Variants in EFL1 observed in about 807,000 individuals in gnomAD.
EFL1 encodes the protein elongation factor like GTPase 1, also known as elongation factor-like GTPase 1.
Under a neutral mutation model 126.7 loss-of-function variants are expected in EFL1, and 76 were observed. The observed-to-expected ratio is 0.60, with a 90% CI of 0.50 to 0.73. EFL1 has a LOEUF of 0.73. Ranked by LOEUF, EFL1 falls within the 30% of genes least tolerant of loss-of-function variation. The pLI is 0.00. For synonymous variants in EFL1, 410 were observed against 448.4 expected (o/e 0.91, Z 1.08); for missense variants, 1,128 against 1,343.2 (o/e 0.84, Z 2.50).
intron 4 of EFL1, among the ~76,000 whole-genome samples, chr15:82,251,756 G>A (rs62013460): frequency 2.0e-5 from 3 of 152,182 alleles, no homozygotes; most frequent in Admixed American, 6.5e-5. Flanking sequence ...TGGTGGCAGT[G>A]TCAAAGATAT....
intron 12 of EFL1, among the ~76,000 whole-genome samples, chr15:82,224,471 C>A (rs772044622): frequency 1.2e-4 from 19 of 152,196 alleles, no homozygotes; most frequent in South Asian, 1.2e-3. Flanking sequence ...CTGCTCAAGA[C>A]AGTGAGGATC....
chr15:82,198,931 C>A (rs1411762880), intron 15 of EFL1, among the ~76,000 whole-genome samples: 1 of 152,018 alleles, frequency 6.6e-6, no homozygotes, highest in Non-Finnish European at 1.5e-5. Flanking sequence ...TAGAACCAAA[C>A]ATATAGTAAG....
At chr15:82,231,952 A>C (rs754488426) in intron 7 of EFL1, among the ~76,000 whole-genome samples, 2 of 152,176 alleles carry the variant, frequency 1.3e-5, no homozygotes, top group Non-Finnish European at 2.9e-5. Flanking sequence ...CCGGTGTTTC[A>C]GCACACCCAG....
At chr15:82,212,429 G>C (rs1447997731) in intron 15 of EFL1, among the ~76,000 whole-genome samples, 1 of 152,232 alleles carries the variant, frequency 6.6e-6, no homozygotes, top group Non-Finnish European at 1.5e-5. Context: ...CATAAAACTA[G>C]TTAGTGGCAA....
chr15:82,156,910 T>C (rs954916147), intron 17 of EFL1, among the ~76,000 whole-genome samples: 1 of 152,212 alleles, frequency 6.6e-6, no homozygotes, highest in African/African-American at 2.4e-5. Context: ...TGATAAACTA[T>C]GCAAAGTTGG....
At chr15:82,240,699 A>G (rs1454729415) in intron 5 of EFL1, 144 bp from the exon 6 acceptor site, 16 of 901,674 alleles carry the variant, frequency 1.8e-5, no homozygotes, top group Non-Finnish European at 2.7e-5. Context: ...TATACAGCGG[A>G]GTAGCAAAGA....
chr15:82,238,667 A>G (rs2074899578), intron 6 of EFL1, 146 bp from the exon 7 acceptor site: 1 of 657,420 alleles, frequency 1.5e-6, no homozygotes, highest in Non-Finnish European at 2.6e-6. Context: ...GACATTCATA[A>G]TCAGTGAATA....
At chr15:82,257,415 T>C (rs1005519926) in intron 3 of EFL1, among the ~76,000 whole-genome samples, 2 of 152,174 alleles carry the variant, frequency 1.3e-5, no homozygotes, top group African/African-American at 2.4e-5. Flanking sequence ...TATTTATATA[T>C]ACTATGCTTT....
At chr15:82,131,731 G>A (rs1310711432) in intron 19 of EFL1, among the ~76,000 whole-genome samples, 2 of 152,094 alleles carry the variant, frequency 1.3e-5, no homozygotes, top group Non-Finnish European at 2.9e-5. Context: ...GGTGGAGGTT[G>A]TGGTGAGCCA....
chr15:82,251,393 T>A (rs1382813961), intron 4 of EFL1, among the ~76,000 whole-genome samples: 1 of 152,104 alleles, frequency 6.6e-6, no homozygotes. Context: ...TTATGGTATA[T>A]AAATTAAACC....
chr15:82,225,574 C>T (rs1404723750), intron 11 of EFL1, among the ~76,000 whole-genome samples: 2 of 152,194 alleles, frequency 1.3e-5, no homozygotes, highest in Non-Finnish European at 2.9e-5. Context: ...ACCATAAGCA[C>T]TAATACATTT....
intron 14 of EFL1, among the ~76,000 whole-genome samples, chr15:82,217,284 C>T (rs1395090410): frequency 6.8e-6 from 1 of 146,138 alleles, no homozygotes; most frequent in Non-Finnish European, 1.5e-5. Context: ...ACCAAGGCAA[C>T]TCCACTATAG....
At chr15:82,156,785 AGAAG>A (rs2073973029) in intron 17 of EFL1, among the ~76,000 whole-genome samples, 2 of 152,226 alleles carry the variant, frequency 1.3e-5, no homozygotes, top group Non-Finnish European at 2.9e-5. Context: ...AAAAACAAAA[AGAAG>A]GAAGGCCATT....
At chr15:82,208,887 A>G (rs1374098781) in intron 15 of EFL1, among the ~76,000 whole-genome samples, 3 of 152,176 alleles carry the variant, frequency 2.0e-5, no homozygotes, top group Admixed American at 6.5e-5. Flanking sequence ...TATTCCCATT[A>G]AAGTCTGGAA....
At chr15:82,206,294 T>C (rs951206896) in intron 15 of EFL1, among the ~76,000 whole-genome samples, 61 of 152,058 alleles carry the variant, frequency 4.0e-4, no homozygotes, top group African/African-American at 1.4e-3. Flanking sequence ...ATACATAATA[T>C]ATTAGAAGAA....
chr15:82,214,482 G>C (rs961066417), intron 15 of EFL1, among the ~76,000 whole-genome samples: 2 of 152,048 alleles, frequency 1.3e-5, no homozygotes, highest in East Asian at 1.9e-4. Context: ...GCTTAGGCTA[G>C]AGCATTTACT....
At chr15:82,204,544 C>T (rs938457432) in intron 15 of EFL1, among the ~76,000 whole-genome samples, 1 of 152,202 alleles carries the variant, frequency 6.6e-6, no homozygotes, top group African/African-American at 2.4e-5. Flanking sequence ...CAAATCTGAA[C>T]TTATCAACCA....
At chr15:82,209,640 A>G (rs1188337391) in intron 15 of EFL1, among the ~76,000 whole-genome samples, 1 of 152,240 alleles carries the variant, frequency 6.6e-6, no homozygotes, top group African/African-American at 2.4e-5. Context: ...CAGTAGGGAA[A>G]AGAACAAAAC....
At chr15:82,165,744 G>C (rs1176045481) in intron 15 of EFL1, among the ~76,000 whole-genome samples, 1 of 152,178 alleles carries the variant, frequency 6.6e-6, no homozygotes, top group African/African-American at 2.4e-5. Flanking sequence ...TTTGGATTTT[G>C]AAAGCATTTG....
Sources: gnomAD v4.1 joint callset for allele counts (sites outside exome capture counted in the v4.1 genomes callset) on GRCh38, gnomAD v4.1.1 for gene constraint, MANE v1.5 for transcripts, NCBI Gene and HGNC (gene_info 2026-07-23, HGNC 2026-07-21) for gene names.